FBXO33: variants seen among roughly 807,000 people sequenced by gnomAD.
FBXO33 encodes the protein F-box only protein 33.
Under a neutral mutation model 46.3 loss-of-function variants are expected in FBXO33, and 22 were observed. The observed-to-expected ratio is 0.48, with a 90% confidence interval of 0.34 to 0.68. The LOEUF is 0.68. Among genes scored for constraint, FBXO33 ranks in the 30% least tolerant of loss-of-function variants. FBXO33 has a pLI of 0.01. For synonymous variants in FBXO33, 337 were observed against 291.3 expected (o/e 1.16, Z -1.60); for missense variants, 692 against 708.8 (o/e 0.98, Z 0.27).
In FBXO33 at chr14:39,431,785, T is replaced by G. The variant is rs768668500; in HGVS notation, c.378A>C (p.Glu126Asp). The G allele has an allele frequency of 3.7e-6, 6 of 1,612,580 alleles. No individual in the cohort carries two copies. The highest frequency in any genetic ancestry group is 5.1e-6 in the Non-Finnish European group (6 of 1,179,948). ...ACCAGCCGCACTTGCGCATGAGGAA[T>G]TCCAGCCGAGGCTGCTCCGCGGGCG... The part of the protein sequence containing the change: ...RVSPAEQPRL[E>D]FLMRKCGWFV... Residue 126 changes from glutamate to aspartate, a missense_variant, in exon 1 of 4, where the codon GAA (glutamate) becomes GAC (aspartate). This residue lies in a region of FBXO33 where 412 missense variants were observed against 370.8 expected (regional missense o/e 1.11). Transcript: ENST00000298097.
At chr14:39,399,840 T>G in intron 3 of FBXO33, 53 bp from the exon 4 acceptor site, 1 of 1,468,070 alleles carries the variant, frequency 6.8e-7, no homozygotes, top group Non-Finnish European at 9.1e-7. Flanking sequence ...TCCTTTTCTC[T>G]TTGGTAAGTC....
At chr14:39,400,098 T>G (rs1270427653) in intron 3 of FBXO33, among the ~76,000 whole-genome samples, 3 of 152,220 alleles carry the variant, frequency 2.0e-5, no homozygotes, top group African/African-American at 7.2e-5. Context: ...CAAATAAATT[T>G]TATAGCTTTG....
At position 39,432,321 on chromosome 14, in the gene FBXO33, C is replaced by G. The variant is rs1023978703; in HGVS notation, c.-159G>C. 9 of 470,132 alleles carry G rather than the reference C, an allele frequency of 1.9e-5. No individual in the cohort carries two copies. Among genetic ancestry groups the G allele is most frequent in the Non-Finnish European group, 2.6e-5 (8 of 311,756 alleles). 29.1% of individuals were successfully genotyped at this position (470,132 alleles called of 1,614,324 possible). A position where few individuals can be genotyped will look rare whatever the true frequency, so the allele number is the denominator to read the frequency against. On this transcript the variant is annotated 5_prime_UTR_variant, in exon 1 of 4. Transcript: ENST00000298097. Reference sequence around the variant, plus strand: ...CTCACGTGCGTCCGAGGCCGGCACACTGAGTAACTGCACTGCCCTCGCTCG... The same window carrying G: ...CTCACGTGCGTCCGAGGCCGGCACAGTGAGTAACTGCACTGCCCTCGCTCG...
intron 1 of FBXO33, among the ~76,000 whole-genome samples, chr14:39,407,051 G>A (rs1002506552): frequency 6.6e-6 from 1 of 152,116 alleles, no homozygotes; most frequent in Non-Finnish European, 1.5e-5. Context: ...TATGAGTTCA[G>A]TAAAGTTAGC....
chr14:39,402,108 C>T (rs2075371508), intron 2 of FBXO33, among the ~76,000 whole-genome samples: 1 of 152,132 alleles, frequency 6.6e-6, no homozygotes, highest in African/African-American at 2.4e-5. Flanking sequence ...AAAAGCACCA[C>T]TTATACCCGT....
intron 1 of FBXO33, among the ~76,000 whole-genome samples, chr14:39,417,598 T>G (rs1026069887): frequency 1.3e-5 from 2 of 152,174 alleles, no homozygotes; most frequent in Admixed American, 6.5e-5. Flanking sequence ...TGGCACGATC[T>G]TGGCTCACTG....
At chr14:39,403,797 C>T (rs2075379827) in intron 1 of FBXO33, among the ~76,000 whole-genome samples, 1 of 143,292 alleles carries the variant, frequency 7.0e-6, no homozygotes, top group Admixed American at 7.0e-5. Context: ...ATGAAAAATA[C>T]CATTTCTTTT....
At position 39,432,055 on chromosome 14, in the gene FBXO33, T is replaced by TGCAGC; in HGVS notation, c.107_108insGCTGC (p.Arg37LeufsTer41). 8.2e-7 allele frequency: 1 copy of TGCAGC among 1,221,072 alleles called. No individual in the cohort carries two copies. The highest frequency in any genetic ancestry group is 1.0e-6 in the Non-Finnish European group (1 of 967,924). 75.6% of individuals were successfully genotyped at this position (1,221,072 alleles called of 1,614,324 possible). On this transcript the variant is annotated frameshift_variant, in exon 1 of 4. Transcript: ENST00000298097. LOFTEE classifies it high-confidence loss of function. ...GTACCCGGAGCAGCCCCCGCAGCCG[T>TGCAGC]CGCAGCTGCTGCAGCCGCAGCCGCC...
At chr14:39,419,993 T>C (rs2075473023) in intron 1 of FBXO33, among the ~76,000 whole-genome samples, 1 of 152,214 alleles carries the variant, frequency 6.6e-6, no homozygotes, top group South Asian at 2.1e-4. Flanking sequence ...ATGAATTTCT[T>C]CTACTTAATT....
chr14:39,425,007 A>G (rs906454586), intron 1 of FBXO33, among the ~76,000 whole-genome samples: 1 of 152,084 alleles, frequency 6.6e-6, no homozygotes, highest in Non-Finnish European at 1.5e-5. Flanking sequence ...AGCCGAGATC[A>G]TGCCACTGCA....
chr14:39,402,616 A>G (rs1202552892), intron 1 of FBXO33, 105 bp from the exon 2 acceptor site: 1 of 424,790 alleles, frequency 2.4e-6, no homozygotes, highest in East Asian at 4.3e-5. Context: ...GAAGGTTTCT[A>G]TTTTATAACT....
chr14:39,413,996 C>CT (rs1290875319), intron 1 of FBXO33, among the ~76,000 whole-genome samples: 1 of 152,178 alleles, frequency 6.6e-6, no homozygotes, highest in East Asian at 1.9e-4. Context: ...GCATTAACCT[C>CT]TAACGAGAGT....
intron 1 of FBXO33, among the ~76,000 whole-genome samples, chr14:39,415,235 T>C (rs1032999247): frequency 1.3e-5 from 2 of 152,068 alleles, no homozygotes; most frequent in African/African-American, 4.8e-5. Context: ...GAGGTGAGGC[T>C]GCCATTACCC....
intron 1 of FBXO33, among the ~76,000 whole-genome samples, chr14:39,404,689 T>C (rs545061749): frequency 1.3e-5 from 2 of 152,030 alleles, no homozygotes; most frequent in South Asian, 2.1e-4. Flanking sequence ...GACAGCATTA[T>C]AGGGAAAAGG....
At chr14:39,404,698 G>C (rs2075385132) in intron 1 of FBXO33, among the ~76,000 whole-genome samples, 1 of 152,102 alleles carries the variant, frequency 6.6e-6, no homozygotes, top group Non-Finnish European at 1.5e-5. Context: ...ATAGGGAAAA[G>C]GAAAAGCATT....
chr14:39,426,318 C>T (rs965252816), intron 1 of FBXO33, among the ~76,000 whole-genome samples: 2 of 151,870 alleles, frequency 1.3e-5, no homozygotes, highest in African/African-American at 4.8e-5. Context: ...TTCCAAAATC[C>T]ATCCACTTTT....
At chr14:39,412,133 T>C (rs1302516593) in intron 1 of FBXO33, among the ~76,000 whole-genome samples, 3 of 152,240 alleles carry the variant, frequency 2.0e-5, no homozygotes, top group African/African-American at 7.2e-5. Flanking sequence ...GTCCAGATGA[T>C]TTATCCATTG....
chr14:39,430,373 C>T (rs2075536823), intron 1 of FBXO33, among the ~76,000 whole-genome samples: 1 of 151,662 alleles, frequency 6.6e-6, no homozygotes, highest in African/African-American at 2.4e-5. Flanking sequence ...ATGGCGCATA[C>T]ATATATATAT....
At position 39,431,904 on chromosome 14, in the gene FBXO33, C is replaced by A; in HGVS notation, c.259G>T (p.Asp87Tyr). 6.5e-7 allele frequency: 1 copy of A among 1,547,440 alleles called. No individual in the cohort carries two copies. The highest frequency in any genetic ancestry group is 1.2e-5 in the South Asian group (1 of 85,458). Residue 87 changes from aspartate (D) to tyrosine (Y), a missense_variant, in exon 1 of 4, where the codon GAC becomes TAC. Transcript: ENST00000298097. ...VHIFSFLPAPDRLRASASCSH... is the reference protein window; with the variant it reads ...VHIFSFLPAPYRLRASASCSH... ...CAGGAGGCCGAGGCCCGCAGCCGGTCGGGCGCCGGCAGAAAAGAGAAGATG... is the reference window on the plus strand; with the variant it reads ...CAGGAGGCCGAGGCCCGCAGCCGGTAGGGCGCCGGCAGAAAAGAGAAGATG...
Sources: gnomAD v4.1 joint callset for allele counts (sites outside exome capture counted in the v4.1 genomes callset) on GRCh38, gnomAD v4.1.1 for gene constraint, gnomAD v4.1.1 regional missense constraint, MANE v1.5 for transcripts, NCBI Gene and HGNC (gene_info 2026-07-23, HGNC 2026-07-21) for gene names.